The following NAV2 variants were observed in gnomAD, a reference collection of about 807,000 sequenced individuals.
The protein encoded by NAV2 is neuron navigator 2, also known as helicase, APC down-regulated 1.
Under a neutral mutation model 223.2 loss-of-function variants are expected in NAV2, and 54 were observed. The ratio of observed to expected loss-of-function variants is 0.24; its 90% CI spans 0.19 to 0.30. The LOEUF is 0.30. NAV2 is among the 10% of genes least tolerant of loss of function. The pLI, the probability that NAV2 is intolerant of heterozygous loss-of-function variation, is 1.00. For missense variants in NAV2, 2,806 were observed against 3,147.5 expected, an observed-to-expected ratio of 0.89 and a Z score of 2.60; for synonymous variants, 1,279 against 1,239.3, an observed-to-expected ratio of 1.03 and a Z score of -0.67.
chr11:19,898,314 A>G (rs1279214928), intron 6 of NAV2, among the ~76,000 whole-genome samples: 3 of 152,202 alleles, frequency 2.0e-5, no homozygotes, highest in Admixed American at 6.5e-5. Context: ...CACCTCCTAG[A>G]TTAGCCACTG....
chr11:19,978,494 TAC>T (rs1262316892), intron 10 of NAV2, among the ~76,000 whole-genome samples: 1 of 152,198 alleles, frequency 6.6e-6, no homozygotes, highest in African/African-American at 2.4e-5. Context: ...CAAGGAATAT[TAC>T]ACACACATTT....
chr11:20,107,072 T>C (rs2062189960), intron 35 of NAV2, among the ~76,000 whole-genome samples: 1 of 100,622 alleles, frequency 9.9e-6, no homozygotes, highest in Non-Finnish European at 2.0e-5. Context: ...TTTTTTTTTT[T>C]TTTTTTTTTT....
At position 19,717,628 on chromosome 11, in the gene NAV2, A is replaced by G. The variant is rs563265958; in HGVS notation, c.267+3666A>G. Among the ~76,000 whole-genome samples, 9 of 152,370 alleles carry G rather than the reference A, an allele frequency of 5.9e-5. No homozygotes were observed. The East Asian group carries it at 1.7e-3, about 29-fold the overall frequency. ...TTTCAAAAGGTGATGAAGAGAAAGA[A>G]CAAAGGCTTTGCAGCTGAAGGATTG... On this transcript the variant is annotated intron_variant, in intron 1 of 37. Transcript: ENST00000349880.
intron 1 of NAV2, among the ~76,000 whole-genome samples, chr11:19,762,378 A>T (rs2054830274): frequency 6.6e-6 from 1 of 152,116 alleles, no homozygotes; most frequent in South Asian, 2.1e-4. Flanking sequence ...TGCAAAGCCC[A>T]CTCTGTGCAA....
chr11:19,813,110 G>A (rs1209295269), intron 1 of NAV2, among the ~76,000 whole-genome samples: 2 of 152,130 alleles, frequency 1.3e-5, no homozygotes, highest in Non-Finnish European at 2.9e-5. Context: ...GAGACCTTTC[G>A]ATGAAACATG....
chr11:19,868,934 A>G lies in NAV2; in HGVS notation c.448A>G (p.Ile150Val). 6.2e-7 allele frequency: 1 copy of G among 1,613,968 alleles called. No individual in the cohort carries two copies. Among genetic ancestry groups the G allele is most frequent in the South Asian group, 1.1e-5 (1 of 91,080 alleles). ...PKNRSQMIEN[I>V]DACLNFLAAK... ...TGTTTTTCCCTCCTAGATTGAAAAC[A>G]TAGATGCCTGCTTGAATTTCCTGGC... Residue 150 changes from isoleucine to valine, a missense_variant, in exon 4 of 38, where the codon ATA becomes GTA. Physicochemically the swap from Ile to Val is conservative, Grantham distance 29. This residue lies in a region of NAV2 where 1,167 missense variants were observed against 1,180.5 expected (regional missense o/e 0.99). Transcript: ENST00000349880.
chr11:19,360,760 G>A (rs567816267), intron 1 of NAV2, among the ~76,000 whole-genome samples: 1 of 152,192 alleles, frequency 6.6e-6, no homozygotes, highest in South Asian at 2.1e-4. Context: ...AGAGCAGGAG[G>A]CACTCTTTGT....
intron 10 of NAV2, among the ~76,000 whole-genome samples, chr11:19,970,751 C>T (rs1162775088): frequency 6.6e-6 from 1 of 152,168 alleles, no homozygotes; most frequent in African/African-American, 2.4e-5. Flanking sequence ...CACACAAATA[C>T]ATTTAAATGA....
intron 1 of NAV2, among the ~76,000 whole-genome samples, chr11:19,540,309 A>G (rs898829577): frequency 1.3e-5 from 2 of 152,124 alleles, no homozygotes; most frequent in African/African-American, 4.8e-5. Context: ...GACAAGCCCA[A>G]GGGCCCTTCT....
intron 1 of NAV2, among the ~76,000 whole-genome samples, chr11:19,430,248 A>G (rs958771236): frequency 6.6e-6 from 1 of 152,172 alleles, no homozygotes; most frequent in African/African-American, 2.4e-5. Context: ...TCGCTTGGCC[A>G]TCCAATCACC....
intron 1 of NAV2, among the ~76,000 whole-genome samples, chr11:19,784,005 T>C (rs1443370166): frequency 6.6e-6 from 1 of 152,052 alleles, no homozygotes; most frequent in Non-Finnish European, 1.5e-5. Context: ...CTTTTTATGG[T>C]GATGAATGCT....
intron 1 of NAV2, among the ~76,000 whole-genome samples, chr11:19,446,648 C>G (rs901628691): frequency 3.9e-5 from 6 of 152,134 alleles, no homozygotes; most frequent in African/African-American, 1.2e-4. Context: ...GCATCTCAGA[C>G]GGTGTGCCTG....
chr11:20,023,699 G>GGTGGGTGGGTGT (rs1554902315), intron 11 of NAV2, among the ~76,000 whole-genome samples: 4,256 of 144,612 alleles, frequency 0.029, 115 homozygotes, highest in Admixed American at 0.056. Context: ...CAAATTGCTG[G>GGTGGGTGGGTGT]GTGTGTGTGT....
At chr11:19,571,097 T>A (rs2045412610) in intron 1 of NAV2, among the ~76,000 whole-genome samples, 1 of 152,190 alleles carries the variant, frequency 6.6e-6, no homozygotes, top group Non-Finnish European at 1.5e-5. Context: ...GGAATATTAT[T>A]CAGCAATAAA....
intron 1 of NAV2, among the ~76,000 whole-genome samples, chr11:19,482,248 T>C (rs886834505): frequency 1.3e-5 from 2 of 152,146 alleles, no homozygotes; most frequent in Non-Finnish European, 2.9e-5. Flanking sequence ...CTACGTTCCC[T>C]ACAAAAAGGA....
intron 6 of NAV2, among the ~76,000 whole-genome samples, chr11:19,919,880 T>A (rs1166516207): frequency 6.6e-6 from 1 of 152,102 alleles, no homozygotes; most frequent in Non-Finnish European, 1.5e-5. Context: ...ACGCCTGTAA[T>A]CCCAGGACTT....
intron 1 of NAV2, among the ~76,000 whole-genome samples, chr11:19,605,464 T>C (rs1337998935): frequency 6.6e-6 from 1 of 151,040 alleles, no homozygotes; most frequent in East Asian, 1.9e-4. Flanking sequence ...TAAAAACATA[T>C]ACTGCAGGAA....
chr11:19,874,943 G>A (rs1338594732), intron 4 of NAV2, among the ~76,000 whole-genome samples: 1 of 152,188 alleles, frequency 6.6e-6, no homozygotes, highest in African/African-American at 2.4e-5. Context: ...GATCACCTGA[G>A]GTCGAGAGTT....
At chr11:19,353,336 T>C (rs1853434525) in intron 1 of NAV2, among the ~76,000 whole-genome samples, 1 of 152,174 alleles carries the variant, frequency 6.6e-6, no homozygotes. Flanking sequence ...GGTTGTAGCT[T>C]GGTGATTGCT....
Sources: gnomAD v4.1 joint callset for allele counts (sites outside exome capture counted in the v4.1 genomes callset) on GRCh38, gnomAD v4.1.1 for gene constraint, gnomAD v4.1.1 regional missense constraint, MANE v1.5 for transcripts, NCBI Gene and HGNC (gene_info 2026-07-23, HGNC 2026-07-21) for gene names.